The following ABCB5 variants were observed in gnomAD, a reference collection of about 807,000 sequenced individuals.
ABCB5 encodes ATP-binding cassette sub-family B member 5.
In ABCB5, 155 loss-of-function variants were observed where a neutral mutation model predicts 144.2. The observed-to-expected ratio is 1.08, with a 90% confidence interval of 0.94 to 1.23. The LOEUF is 1.23. Ranked by LOEUF, ABCB5 falls within the 50% of genes most tolerant of loss-of-function variation. The probability of loss-of-function intolerance (pLI) is 0.00; values close to 1 mark genes in which losing one functional copy is unlikely to be tolerated. For missense variants in ABCB5, 1,830 were observed against 1,520.8 expected (o/e 1.20, Z -3.38); for synonymous variants, 610 against 528.6 (o/e 1.15, Z -2.11).
intron 2 of ABCB5, among the ~76,000 whole-genome samples, chr7:20,625,687 T>G (rs1283089331): frequency 6.6e-6 from 1 of 152,196 alleles, no homozygotes; most frequent in Non-Finnish European, 1.5e-5. Flanking sequence ...GAAACTGGAA[T>G]CCTTGTTCTG....
chr7:20,743,658 C>G (rs976418666), intron 25 of ABCB5, among the ~76,000 whole-genome samples: 1 of 152,052 alleles, frequency 6.6e-6, no homozygotes, highest in African/African-American at 2.4e-5. Context: ...GTCCTCCCCC[C>G]ACCACCCACC....
intron 5 of ABCB5, among the ~76,000 whole-genome samples, chr7:20,640,338 C>A (rs192261122): frequency 1.3e-5 from 2 of 152,114 alleles, no homozygotes; most frequent in East Asian, 1.9e-4. Flanking sequence ...TAATACACAA[C>A]CTCACTTTAT....
At chr7:20,626,642 T>A (rs752344297) in intron 3 of ABCB5, 31 bp downstream of exon 3, 15 of 1,555,692 alleles carry the variant, frequency 9.6e-6, no homozygotes, top group Non-Finnish European at 1.3e-5. Flanking sequence ...AGTACATGCA[T>A]TAGAAGATTT....
chr7:20,689,448 C>A (rs565344470), intron 16 of ABCB5, among the ~76,000 whole-genome samples: 2 of 152,264 alleles, frequency 1.3e-5, no homozygotes, highest in African/African-American at 4.8e-5. Context: ...CTGAGCACTA[C>A]TGGAACAAGA....
intron 23 of ABCB5, among the ~76,000 whole-genome samples, chr7:20,736,049 C>T (rs986720159): frequency 6.6e-6 from 1 of 152,146 alleles, no homozygotes; most frequent in Non-Finnish European, 1.5e-5. Flanking sequence ...GGATGATATA[C>T]AGATGAGCAT....
chr7:20,690,832 G>T (rs1303990910), intron 16 of ABCB5, among the ~76,000 whole-genome samples: 1 of 152,180 alleles, frequency 6.6e-6, no homozygotes, highest in Admixed American at 6.5e-5. Flanking sequence ...CCAGGAGAGT[G>T]TTGTATCATA....
chr7:20,722,337 C>A (rs562640521), intron 20 of ABCB5, among the ~76,000 whole-genome samples: 4 of 152,280 alleles, frequency 2.6e-5, no homozygotes, highest in East Asian at 3.9e-4. Context: ...GTAACTTCAG[C>A]TTTCAACACA....
intron 16 of ABCB5, among the ~76,000 whole-genome samples, chr7:20,691,990 A>G (rs1156469132): frequency 2.6e-5 from 4 of 152,184 alleles, no homozygotes; most frequent in Non-Finnish European, 5.9e-5. Flanking sequence ...TGGCACACTT[A>G]GTAGAGTTAG....
rs1484230493 is a variant in ABCB5, at chr7:20,756,428, A to C, written c.*804A>C. Reference sequence around the variant, plus strand: ...GAGGCCGAGGAGGGCGGATCACTTGAGGTCAGGAGTTCGAGACCAGCCTGG... The same window carrying C: ...GAGGCCGAGGAGGGCGGATCACTTGCGGTCAGGAGTTCGAGACCAGCCTGG... On this transcript the variant is annotated 3_prime_UTR_variant, in exon 28 of 28. Coordinates refer to ENST00000404938, the MANE Select transcript of ABCB5 (RefSeq NM_001163941.2). 1 of 152,316 alleles carries C rather than the reference A, an allele frequency of 6.6e-6. No homozygotes were observed. The highest frequency in any genetic ancestry group is 2.4e-5 in the African/African-American group (1 of 41,446). The allele number at this position is 152,316 out of a possible 1,614,324, so 9.4% of individuals were successfully genotyped here. A position where few individuals can be genotyped will look rare whatever the true frequency, so the allele number is the denominator to read the frequency against.
At chr7:20,678,651 C>CA (rs1785689001) in intron 14 of ABCB5, among the ~76,000 whole-genome samples, 1 of 152,040 alleles carries the variant, frequency 6.6e-6, no homozygotes, top group Non-Finnish European at 1.5e-5. Flanking sequence ...AAAAAAAACA[C>CA]ATTACCTCAA....
chr7:20,638,830 C>T (rs925725489), intron 5 of ABCB5, among the ~76,000 whole-genome samples: 3 of 152,144 alleles, frequency 2.0e-5, no homozygotes, highest in African/African-American at 7.2e-5. Context: ...CACTGATGTA[C>T]ACTTCTTTGT....
At chr7:20,670,943 G>A (rs567372995) in intron 14 of ABCB5, among the ~76,000 whole-genome samples, 1 of 152,172 alleles carries the variant, frequency 6.6e-6, no homozygotes, top group African/African-American at 2.4e-5. Context: ...CAAGAAGCAA[G>A]CAATAAAAAC....
rs1785971601 is a variant in ABCB5 at position 20,685,755 on chromosome 7, C to G, written c.1929C>G (p.Thr643=). ...TGACATATTCTACTGAAAGAAAGAC[C>G]AACTCACTTCCTCTGCACTCTGTGA... ...ESMTYSTERK[T]NSLPLHSVKS... is the part of the protein sequence containing the mutation. Residue 643 remains threonine, a synonymous_variant, in exon 16 of 28, where the codon ACC becomes ACG. Coordinates refer to ENST00000404938, the MANE Select transcript of ABCB5 (RefSeq NM_001163941.2). 1.9e-6 allele frequency: 3 copies of G among 1,613,078 alleles called. No homozygotes were observed. In the East Asian group the frequency reaches 6.7e-5, roughly 36 times the overall value.
intron 14 of ABCB5, among the ~76,000 whole-genome samples, chr7:20,668,416 C>T (rs1218561950): frequency 6.0e-5 from 9 of 150,624 alleles, no homozygotes; most frequent in Admixed American, 1.3e-4. Context: ...GGGCCGCAAC[C>T]CTGTCTGGGA....
In ABCB5 at chr7:20,643,462, G is replaced by A. The variant is rs868015590; in HGVS notation, c.508G>A (p.Asp170Asn). The stretch of plus-strand genomic sequence containing the variant: ...ACTACATTTATTTGCTTGTTTCAGT[G>A]ACATTGACAAAATCAGTGATGGTAT... ...IGELNTRMTD[D>N]IDKISDGIGD... Residue 170 changes from aspartate to asparagine, a missense_variant and splice_region_variant, in exon 7 of 28, where the codon GAC (aspartate) becomes AAC (asparagine). Coordinates refer to ENST00000404938, the MANE Select transcript of ABCB5 (RefSeq NM_001163941.2). The A allele has an allele frequency of 2.5e-6, 4 of 1,613,956 alleles. No homozygotes were observed. Among genetic ancestry groups the A allele is most frequent in the African/African-American group, 2.7e-5 (2 of 75,042 alleles).
At chr7:20,681,444 C>T in intron 14 of ABCB5, 61 bp from the exon 15 acceptor site, 3 of 1,552,648 alleles carry the variant, frequency 1.9e-6, no homozygotes, top group Non-Finnish European at 2.6e-6. Context: ...ATTTCTTAAA[C>T]AGTGCAAAGG....
chr7:20,643,738 A>G, intron 7 of ABCB5, 106 bp downstream of exon 7: 1 of 1,214,668 alleles, frequency 8.2e-7, no homozygotes, highest in Non-Finnish European at 1.2e-6. Flanking sequence ...CCATGTCCCA[A>G]ACTACAAAGG....
chr7:20,726,345 TTATCTC>T (rs1018874120), intron 21 of ABCB5, among the ~76,000 whole-genome samples: 33 of 149,746 alleles, frequency 2.2e-4, no homozygotes, highest in African/African-American at 7.1e-4. Context: ...TGTGATTACT[TTATCTC>T]TGCTATCTTT....
Position 20,651,513 on chromosome 7 carries a change from AC to A in ABCB5, c.1428del (p.Thr477ProfsTer13). The A allele has an allele frequency of 8.1e-6, 13 of 1,614,094 alleles. No homozygotes were observed. The highest frequency in any genetic ancestry group is 1.0e-5 in the Non-Finnish European group (12 of 1,180,000). On this transcript the variant is annotated frameshift_variant, in exon 13 of 28. Coordinates refer to ENST00000404938, the MANE Select transcript of ABCB5 (RefSeq NM_001163941.2). LOFTEE classifies it high-confidence loss of function. ...TAGTCAAGAGCCTGTTTTGTTCGGG[AC>A]CACCATCAGTAACAATATCAAGTAT... ...VVSQEPVLFGTTISNNIKYGR... is the reference protein window; with the variant it reads ...VVSQEPVLFGXTISNNIKYGR...
Sources: allele counts gnomAD v4.1 joint callset (sites outside exome capture counted in the v4.1 genomes callset), GRCh38; gene constraint gnomAD v4.1.1; transcripts MANE v1.5; gene names NCBI Gene and HGNC (gene_info 2026-07-23, HGNC 2026-07-21).